Variants in ATP8A2 observed in about 807,000 individuals in gnomAD.
ATP8A2 encodes phospholipid-transporting ATPase IB.
In ATP8A2, 100 loss-of-function variants were observed where a neutral mutation model predicts 165.6. The ratio of observed to expected loss-of-function variants is 0.60; its 90% CI spans 0.51 to 0.71. The LOEUF (loss-of-function observed/expected upper bound fraction) is 0.71, where lower values mean the gene tolerates loss of function less well. Among genes scored for constraint, ATP8A2 ranks in the 30% least tolerant of loss-of-function variants. The pLI, the probability that ATP8A2 is intolerant of heterozygous loss-of-function variation, is 0.00. For missense variants in ATP8A2, 1,227 were observed against 1,479.5 expected (o/e 0.83, Z 2.80); for synonymous variants, 543 against 548.8 (o/e 0.99, Z 0.15).
chr13:25,610,827 G>T (rs137953256), intron 24 of ATP8A2, among the ~76,000 whole-genome samples: 1 of 150,108 alleles, frequency 6.7e-6, no homozygotes, highest in Non-Finnish European at 1.5e-5. Context: ...ATTTCTTTTA[G>T]CAGTGTTTAT....
At chr13:25,939,362 T>C (rs1955004776) in intron 33 of ATP8A2, among the ~76,000 whole-genome samples, 1 of 152,170 alleles carries the variant, frequency 6.6e-6, no homozygotes, top group African/African-American at 2.4e-5. Flanking sequence ...TTTGTAAACA[T>C]TTTTTAGTCA....
intron 1 of ATP8A2, among the ~76,000 whole-genome samples, chr13:25,377,068 G>C (rs2032656160): frequency 6.6e-6 from 1 of 152,198 alleles, no homozygotes; most frequent in South Asian, 2.1e-4. Flanking sequence ...CAACGGATGT[G>C]TTATCTTAAA....
intron 33 of ATP8A2, among the ~76,000 whole-genome samples, chr13:25,865,092 TG>T (rs377614887): frequency 2.7e-4 from 41 of 152,282 alleles, no homozygotes; most frequent in African/African-American, 9.1e-4. Context: ...GCCTTCCTCC[TG>T]GCTCAGGAGG....
At chr13:25,491,125 T>C (rs1404419292) in intron 2 of ATP8A2, among the ~76,000 whole-genome samples, 2 of 152,186 alleles carry the variant, frequency 1.3e-5, no homozygotes, top group Non-Finnish European at 2.9e-5. Context: ...GTAGCACATA[T>C]TTATTTTATT....
At chr13:25,551,105 T>G (rs114632332) in intron 10 of ATP8A2, among the ~76,000 whole-genome samples, 1 of 152,238 alleles carries the variant, frequency 6.6e-6, no homozygotes, top group East Asian at 1.9e-4. Flanking sequence ...GAATGAATCA[T>G]GTAATGTTGG....
intron 28 of ATP8A2, among the ~76,000 whole-genome samples, chr13:25,831,018 A>T (rs2138617325): frequency 6.6e-6 from 1 of 152,238 alleles, no homozygotes; most frequent in East Asian, 1.9e-4. Context: ...CCAGTCCAGG[A>T]TCATTCTAGA....
At chr13:25,769,429 G>A (rs1321051902) in intron 26 of ATP8A2, among the ~76,000 whole-genome samples, 200 bp downstream of exon 26, 3 of 152,168 alleles carry the variant, frequency 2.0e-5, no homozygotes, top group African/African-American at 7.2e-5. Flanking sequence ...CTGCTGATTG[G>A]ATTTCTCTGG....
At chr13:25,994,018 A>G (rs945847265) in intron 35 of ATP8A2, among the ~76,000 whole-genome samples, 2 of 152,270 alleles carry the variant, frequency 1.3e-5, no homozygotes, top group East Asian at 1.9e-4. Flanking sequence ...TTTCATCAGC[A>G]TTGTGTAGCT....
rs141685926 is a variant in ATP8A2 at position 25,837,859 on chromosome 13, T to C, written c.2877+574T>C. 5.3e-5 allele frequency among the ~76,000 whole-genome samples: 8 copies of C among 152,090 alleles called. No individual in the cohort carries two copies. The East Asian group carries it at 9.7e-4, about 18-fold the overall frequency. ...AAAAAAAATAAAAAAAAGAAAGATA[T>C]AGGTGATCCTGACAAACCCGCGCCA... is the stretch of plus-strand genomic sequence containing the variant. On this transcript the variant is annotated intron_variant, in intron 29 of 36. Transcript: ENST00000381655.
At chr13:25,933,410 TC>T (rs1954814400) in intron 33 of ATP8A2, among the ~76,000 whole-genome samples, 1 of 152,252 alleles carries the variant, frequency 6.6e-6, no homozygotes, top group African/African-American at 2.4e-5. Flanking sequence ...TCTTTATGCC[TC>T]TTAATACCAT....
chr13:25,729,238 A>G (rs1276498663), intron 25 of ATP8A2, among the ~76,000 whole-genome samples: 3 of 152,206 alleles, frequency 2.0e-5, no homozygotes, highest in African/African-American at 7.2e-5. Flanking sequence ...CAGGCTAAGC[A>G]TACTTAGTTA....
At chr13:25,389,339 GC>G (rs1372303671) in intron 1 of ATP8A2, among the ~76,000 whole-genome samples, 1 of 152,124 alleles carries the variant, frequency 6.6e-6, no homozygotes, top group Non-Finnish European at 1.5e-5. Flanking sequence ...GCTTAATGAG[GC>G]CAGTAATTGT....
rs565295553 is a variant in ATP8A2 at position 25,504,927 on chromosome 13, C to T, written c.222-25072C>T. 4.2e-4 allele frequency among the ~76,000 whole-genome samples: 64 copies of T among 152,106 alleles called. 1 individual carries two copies. Among genetic ancestry groups the T allele is most frequent in the African/African-American group, 1.4e-3 (57 of 41,498 alleles). ...GGTCAGTGGGCTTGAGGCCATCGGACGCTATTAACTTCGGTTTGTATTCTC... is the reference window on the plus strand; with the variant it reads ...GGTCAGTGGGCTTGAGGCCATCGGATGCTATTAACTTCGGTTTGTATTCTC... On this transcript the variant is annotated intron_variant, in intron 2 of 36. Coordinates refer to ENST00000381655, the MANE Select transcript of ATP8A2 (RefSeq NM_016529.6).
intron 1 of ATP8A2, among the ~76,000 whole-genome samples, chr13:25,422,865 A>G (rs1189497442): frequency 2.6e-5 from 4 of 152,218 alleles, no homozygotes; most frequent in African/African-American, 9.6e-5. Flanking sequence ...GCTGGGGCAA[A>G]TGTCCTTACA....
chr13:25,671,468 T>C (rs1020671135), intron 24 of ATP8A2, among the ~76,000 whole-genome samples: 2 of 152,114 alleles, frequency 1.3e-5, no homozygotes, highest in Admixed American at 1.3e-4. Context: ...CAAAAGCAAA[T>C]GGGAGAAATA....
At chr13:25,594,738 A>G (rs2040187679) in intron 24 of ATP8A2, among the ~76,000 whole-genome samples, 2 of 152,166 alleles carry the variant, frequency 1.3e-5, no homozygotes, top group African/African-American at 4.8e-5. Flanking sequence ...CACTGTGGGA[A>G]TGTAAACTAG....
chr13:25,712,831 C>CT (rs1405128147), intron 25 of ATP8A2, among the ~76,000 whole-genome samples: 12 of 151,840 alleles, frequency 7.9e-5, no homozygotes, highest in Admixed American at 7.9e-4. Flanking sequence ...GGGAGAATTG[C>CT]TTGAGTAAGA....
chr13:25,704,251 G>A (rs1047589434), intron 25 of ATP8A2, among the ~76,000 whole-genome samples: 2 of 151,816 alleles, frequency 1.3e-5, no homozygotes, highest in Non-Finnish European at 2.9e-5. Context: ...AGCAGTCAGG[G>A]TTGAGAAGAC....
intron 24 of ATP8A2, among the ~76,000 whole-genome samples, chr13:25,633,202 T>C (rs912342093): frequency 2.6e-5 from 4 of 152,192 alleles, no homozygotes; most frequent in Non-Finnish European, 5.9e-5. Context: ...AGGCATGATA[T>C]TGTTACTCCA....
Sources: gnomAD v4.1 joint callset for allele counts (sites outside exome capture counted in the v4.1 genomes callset) on GRCh38, gnomAD v4.1.1 for gene constraint, MANE v1.5 for transcripts, NCBI Gene and HGNC (gene_info 2026-07-23, HGNC 2026-07-21) for gene names.